Variants in C1orf21 observed in about 807,000 individuals in gnomAD.
C1orf21 encodes chromosome 1 open reading frame 21, also known as uncharacterized protein C1orf21.
C1orf21 carries 3 observed loss-of-function variants against 18.7 expected under a neutral mutation model. The observed-to-expected ratio is 0.16, with a 90% confidence interval of 0.07 to 0.42. C1orf21 has a LOEUF of 0.42. C1orf21 is among the 10% of genes least tolerant of loss of function. The pLI is 0.99. For synonymous variants in C1orf21, 41 were observed against 46.4 expected, an observed-to-expected ratio of 0.88 and a Z score of 0.47; for missense variants, 104 against 143.6, an observed-to-expected ratio of 0.72 and a Z score of 1.41.
At chr1:184,428,641 A>G (rs1230725478) in intron 1 of C1orf21, among the ~76,000 whole-genome samples, 1 of 152,216 alleles carries the variant, frequency 6.6e-6, no homozygotes. Flanking sequence ...ACATTTAAGC[A>G]AACATTTGTA....
intron 3 of C1orf21, among the ~76,000 whole-genome samples, chr1:184,510,690 A>C (rs1168730938): frequency 6.6e-6 from 1 of 152,250 alleles, no homozygotes; most frequent in Non-Finnish European, 1.5e-5. Context: ...GATTAGAATC[A>C]AAACCCAGAT....
chr1:184,555,884 G>GAT (rs914946438), intron 3 of C1orf21, among the ~76,000 whole-genome samples: 2 of 152,134 alleles, frequency 1.3e-5, no homozygotes, highest in African/African-American at 4.8e-5. Context: ...CCGCCCACTG[G>GAT]CCCTCCAGGC....
At chr1:184,436,549 G>A (rs1656861643) in intron 1 of C1orf21, among the ~76,000 whole-genome samples, 1 of 151,826 alleles carries the variant, frequency 6.6e-6, no homozygotes, top group Admixed American at 6.6e-5. Flanking sequence ...CCTTGACATA[G>A]CAACATGCTT....
At chr1:184,568,769 A>G (rs980444287) in intron 3 of C1orf21, among the ~76,000 whole-genome samples, 1 of 151,842 alleles carries the variant, frequency 6.6e-6, no homozygotes, top group Non-Finnish European at 1.5e-5. Context: ...TGAAAGCACC[A>G]CTCCTTCTCT....
intron 3 of C1orf21, among the ~76,000 whole-genome samples, chr1:184,512,911 G>T (rs933073565): frequency 6.6e-6 from 1 of 152,170 alleles, no homozygotes; most frequent in African/African-American, 2.4e-5. Flanking sequence ...GCTCCTCATC[G>T]CTCACATTAC....
intron 3 of C1orf21, among the ~76,000 whole-genome samples, chr1:184,568,976 C>A (rs149677011): frequency 1.2e-4 from 19 of 152,176 alleles, no homozygotes; most frequent in Non-Finnish European, 7.4e-5. Context: ...ATGGATAAGA[C>A]GTGAACACCG....
At chr1:184,477,750 G>GGATATCTATCACCTC (rs1486022766) in intron 2 of C1orf21, 147 bp downstream of exon 2, 6 of 645,148 alleles carry the variant, frequency 9.3e-6, no homozygotes, top group Non-Finnish European at 1.6e-5. Context: ...TCGGTATTTA[G>GGATATCTATCACCTC]GATATCTATC....
rs1659925604 is a variant in C1orf21 at position 184,622,102 on chromosome 1, C to G, written c.*2546C>G. The G allele has an allele frequency of 6.6e-6, 1 of 151,840 alleles. No homozygotes were observed. Among genetic ancestry groups the G allele is most frequent in the Non-Finnish European group, 1.5e-5 (1 of 67,958 alleles). 9.4% of individuals were successfully genotyped at this position (151,840 alleles called of 1,614,324 possible). A position where few individuals can be genotyped will look rare whatever the true frequency, so the allele number is the denominator to read the frequency against. ...ACAAAAATATTTTGCCTTTTTTTCC[C>G]CACGTGTATCTGAACATTAAGCAGA... On this transcript the variant is annotated 3_prime_UTR_variant, in exon 6 of 6. Coordinates refer to ENST00000235307, the MANE Select transcript of C1orf21 (RefSeq NM_030806.4).
At chr1:184,394,488 A>G (rs1224143418) in intron 1 of C1orf21, among the ~76,000 whole-genome samples, 1 of 152,218 alleles carries the variant, frequency 6.6e-6, no homozygotes, top group Non-Finnish European at 1.5e-5. Flanking sequence ...ACTCTCAACA[A>G]ACCATGACAT....
At chr1:184,579,699 C>T (rs1305763311) in intron 3 of C1orf21, among the ~76,000 whole-genome samples, 8 of 151,582 alleles carry the variant, frequency 5.3e-5, no homozygotes, top group Non-Finnish European at 5.9e-5. Flanking sequence ...TTAGCAGAGA[C>T]GGGGTTTCAC....
chr1:184,528,196 A>C (rs898839406), intron 3 of C1orf21, among the ~76,000 whole-genome samples: 1 of 152,202 alleles, frequency 6.6e-6, no homozygotes, highest in Non-Finnish European at 1.5e-5. Context: ...TTCTAAAGTA[A>C]TATAACTAGT....
At chr1:184,515,151 T>C (rs1047324361) in intron 3 of C1orf21, among the ~76,000 whole-genome samples, 3 of 152,240 alleles carry the variant, frequency 2.0e-5, no homozygotes, top group African/African-American at 7.2e-5. Flanking sequence ...TTCTTGGCTA[T>C]TTTCCTGTTA....
chr1:184,417,433 G>C (rs1422653317), intron 1 of C1orf21, among the ~76,000 whole-genome samples: 1 of 152,090 alleles, frequency 6.6e-6, no homozygotes, highest in African/African-American at 2.4e-5. Context: ...ATTTAACCCA[G>C]CTTGTTTATT....
intron 1 of C1orf21, among the ~76,000 whole-genome samples, chr1:184,420,577 T>C (rs1336336653): frequency 1.3e-5 from 2 of 152,146 alleles, no homozygotes; most frequent in Admixed American, 1.3e-4. Context: ...AAATAAATAG[T>C]TTGGTAGGCT....
chr1:184,616,711 T>C (rs1659830685), intron 5 of C1orf21, among the ~76,000 whole-genome samples: 2 of 97,798 alleles, frequency 2.0e-5, no homozygotes, highest in South Asian at 6.5e-4. Flanking sequence ...CACGTGTGTA[T>C]GTGTGTTGTG....
chr1:184,407,829 G>A (rs1656274459), intron 1 of C1orf21, among the ~76,000 whole-genome samples: 1 of 152,184 alleles, frequency 6.6e-6, no homozygotes, highest in South Asian at 2.1e-4. Context: ...ACAAAATGAA[G>A]TGTAAAGAAC....
chr1:184,575,970 C>T (rs1462597344), intron 3 of C1orf21, among the ~76,000 whole-genome samples: 4 of 151,938 alleles, frequency 2.6e-5, no homozygotes, highest in Non-Finnish European at 5.9e-5. Flanking sequence ...AAAAATGAAA[C>T]CAAGGTGACA....
intron 1 of C1orf21, among the ~76,000 whole-genome samples, chr1:184,448,433 A>G (rs1322445684): frequency 6.6e-6 from 1 of 152,038 alleles, no homozygotes; most frequent in Non-Finnish European, 1.5e-5. Context: ...TTGCTGGAGG[A>G]TTTGCTGGAA....
intron 3 of C1orf21, among the ~76,000 whole-genome samples, chr1:184,558,397 T>TA (rs1411267853): frequency 2.0e-5 from 3 of 152,228 alleles, no homozygotes; most frequent in Non-Finnish European, 2.9e-5. Flanking sequence ...CGTGCTGTTT[T>TA]AAAAAAATTT....
Sources: gnomAD v4.1 joint callset for allele counts (sites outside exome capture counted in the v4.1 genomes callset) on GRCh38, gnomAD v4.1.1 for gene constraint, MANE v1.5 for transcripts, NCBI Gene and HGNC (gene_info 2026-07-23, HGNC 2026-07-21) for gene names.